Variants in LRRTM4 observed in about 807,000 individuals in gnomAD.
LRRTM4 encodes the protein leucine-rich repeat transmembrane neuronal protein 4.
In LRRTM4, 25 loss-of-function variants were observed where a neutral mutation model predicts 47.6. The observed-to-expected ratio is 0.53, with a 90% CI of 0.38 to 0.73. The LOEUF is 0.73. Ranked by LOEUF, LRRTM4 falls within the 30% of genes least tolerant of loss-of-function variation. The probability of loss-of-function intolerance (pLI) is 0.00; values close to 1 mark genes in which losing one functional copy is unlikely to be tolerated. For synonymous variants in LRRTM4, 311 were observed against 269.5 expected (o/e 1.15, Z -1.51); for missense variants, 638 against 713.4 (o/e 0.89, Z 1.20).
intron 3 of LRRTM4, among the ~76,000 whole-genome samples, chr2:77,381,862 ATTG>A (rs931237112): frequency 7.2e-5 from 11 of 152,128 alleles, no homozygotes; most frequent in Middle Eastern, 3.4e-3. Flanking sequence ...ATGTATTTTT[ATTG>A]TTGTCTCTCT....
chr2:77,108,709 A>G (rs185384857), intron 3 of LRRTM4, among the ~76,000 whole-genome samples: 11,022 of 150,820 alleles, frequency 0.073, 529 homozygotes, highest in East Asian at 0.25. Flanking sequence ...TCAGCCTCCC[A>G]AGTAGCTGGG....
At chr2:76,796,979 C>T (rs1027673774) in intron 3 of LRRTM4, among the ~76,000 whole-genome samples, 6 of 152,046 alleles carry the variant, frequency 3.9e-5, no homozygotes, top group Non-Finnish European at 7.4e-5. Flanking sequence ...AAGACCAAAT[C>T]TACATCTGAT....
intron 3 of LRRTM4, among the ~76,000 whole-genome samples, chr2:76,918,009 C>G (rs1028574289): frequency 8.5e-5 from 13 of 152,148 alleles, no homozygotes; most frequent in African/African-American, 3.1e-4. Context: ...AAAAATATGT[C>G]ACCCTTCCCC....
intron 3 of LRRTM4, among the ~76,000 whole-genome samples, chr2:77,409,614 T>C (rs1674343390): frequency 6.6e-6 from 1 of 152,220 alleles, no homozygotes; most frequent in African/African-American, 2.4e-5. Flanking sequence ...ACTTTTTTTC[T>C]TTTGAAGTAC....
chr2:77,076,229 G>A (rs1460118591), intron 3 of LRRTM4, among the ~76,000 whole-genome samples: 1 of 152,056 alleles, frequency 6.6e-6, no homozygotes, highest in African/African-American at 2.4e-5. Flanking sequence ...CACTGTCCTT[G>A]GAAGATAGAA....
intron 3 of LRRTM4, among the ~76,000 whole-genome samples, chr2:77,113,541 A>G (rs888472229): frequency 6.6e-6 from 1 of 152,140 alleles, no homozygotes. Context: ...AAGAGTAGGC[A>G]CCTGAGACGG....
At chr2:77,062,938 T>G (rs887263717) in intron 3 of LRRTM4, among the ~76,000 whole-genome samples, 2 of 145,124 alleles carry the variant, frequency 1.4e-5, no homozygotes, top group African/African-American at 2.5e-5. Context: ...CTTGTTCTTT[T>G]TTAAAATTAT....
At chr2:76,795,251 C>G (rs1237302726) in intron 3 of LRRTM4, among the ~76,000 whole-genome samples, 4 of 143,344 alleles carry the variant, frequency 2.8e-5, no homozygotes, top group Non-Finnish European at 4.4e-5. Context: ...CTTTAAAAAT[C>G]ATTTTTAATT....
intron 3 of LRRTM4, among the ~76,000 whole-genome samples, chr2:77,255,448 C>T (rs1024321013): frequency 1.3e-5 from 2 of 151,958 alleles, no homozygotes; most frequent in Non-Finnish European, 2.9e-5. Context: ...GGTCACTCTA[C>T]CCATCAACAG....
intron 3 of LRRTM4, among the ~76,000 whole-genome samples, chr2:77,220,991 A>T (rs1366331874): frequency 6.6e-6 from 1 of 152,210 alleles, no homozygotes. Context: ...AGCCCATCAG[A>T]CTAACAGCTG....
chr2:77,354,999 C>T (rs965129364), intron 3 of LRRTM4, among the ~76,000 whole-genome samples: 5 of 152,096 alleles, frequency 3.3e-5, no homozygotes, highest in South Asian at 2.1e-4. Flanking sequence ...ACTGCACAAT[C>T]GCTCATCACT....
intron 3 of LRRTM4, among the ~76,000 whole-genome samples, chr2:76,973,854 C>T (rs1472020410): frequency 6.6e-6 from 1 of 151,784 alleles, no homozygotes. Context: ...GTTACTAATT[C>T]TCACAGCTGA....
At chr2:76,984,852 T>C (rs143160946) in intron 3 of LRRTM4, among the ~76,000 whole-genome samples, 6 of 152,048 alleles carry the variant, frequency 3.9e-5, no homozygotes, top group African/African-American at 1.2e-4. Flanking sequence ...GTTAACATGA[T>C]GAAAAAATTG....
At chr2:76,952,629 G>A (rs565603188) in intron 3 of LRRTM4, among the ~76,000 whole-genome samples, 1 of 151,906 alleles carries the variant, frequency 6.6e-6, no homozygotes, top group African/African-American at 2.4e-5. Flanking sequence ...AAACAATTTG[G>A]AGATTTCTCA....
chr2:76,971,530 A>T (rs1676218726), intron 3 of LRRTM4, among the ~76,000 whole-genome samples: 1 of 152,060 alleles, frequency 6.6e-6, no homozygotes, highest in African/African-American at 2.4e-5. Context: ...TCTGTCTCAC[A>T]GGATAATGGC....
chr2:76,982,391 A>T (rs1676641176), intron 3 of LRRTM4, among the ~76,000 whole-genome samples: 1 of 152,112 alleles, frequency 6.6e-6, no homozygotes, highest in Non-Finnish European at 1.5e-5. Flanking sequence ...ACTTTTGGGC[A>T]ATCAGGCTCT....
intron 3 of LRRTM4, among the ~76,000 whole-genome samples, chr2:77,394,491 T>G (rs556462410): frequency 1.3e-5 from 2 of 151,946 alleles, no homozygotes; most frequent in South Asian, 4.2e-4. Flanking sequence ...TCATAAAGGA[T>G]AACAGCCTGC....
At chr2:77,351,002 T>C (rs1007153079) in intron 3 of LRRTM4, among the ~76,000 whole-genome samples, 1 of 152,266 alleles carries the variant, frequency 6.6e-6, no homozygotes, top group African/African-American at 2.4e-5. Context: ...TTTCTTTAAA[T>C]ATTATTTTGT....
intron 3 of LRRTM4, among the ~76,000 whole-genome samples, chr2:77,144,779 G>A (rs1406860194): frequency 1.3e-5 from 2 of 151,922 alleles, no homozygotes; most frequent in African/African-American, 4.8e-5. Flanking sequence ...GAAAAAAAAA[G>A]CACTAGCCAA....
Sources: allele counts gnomAD v4.1 joint callset (sites outside exome capture counted in the v4.1 genomes callset), GRCh38; gene constraint gnomAD v4.1.1; transcripts MANE v1.5; gene names NCBI Gene and HGNC (gene_info 2026-07-23, HGNC 2026-07-21).